The following GABRB3 variants were observed in gnomAD, a reference collection of about 807,000 sequenced individuals.
The protein encoded by GABRB3 is gamma-aminobutyric acid receptor subunit beta-3.
In GABRB3, 14 loss-of-function variants were observed where a neutral mutation model predicts 52.1. That is an observed-to-expected ratio of 0.27 (90% CI 0.18 to 0.42). The LOEUF is 0.42. Among genes scored for constraint, GABRB3 ranks in the 10% least tolerant of loss-of-function variants. The pLI, the probability that GABRB3 is intolerant of heterozygous loss-of-function variation, is 1.00. For synonymous variants in GABRB3, 260 were observed against 232.3 expected, an observed-to-expected ratio of 1.12 and a Z score of -1.08; for missense variants, 307 against 609.1, an observed-to-expected ratio of 0.50 and a Z score of 5.22.
At chr15:26,772,379 G>C in intron 3 of GABRB3, 23 bp downstream of exon 3, 1 of 1,597,406 alleles carries the variant, frequency 6.3e-7, no homozygotes, top group Non-Finnish European at 8.5e-7. Flanking sequence ...CTCAGGGACC[G>C]CCCTGGGAGG....
intron 3 of GABRB3, among the ~76,000 whole-genome samples, chr15:26,765,946 C>A (rs1415060951): frequency 6.6e-6 from 1 of 152,162 alleles, no homozygotes; most frequent in East Asian, 1.9e-4. Context: ...CTTTGTCCTG[C>A]AGTAAGAGTA....
At chr15:26,695,433 G>C (rs1389179178) in intron 3 of GABRB3, among the ~76,000 whole-genome samples, 1 of 152,040 alleles carries the variant, frequency 6.6e-6, no homozygotes, top group African/African-American at 2.4e-5. Flanking sequence ...TGAAAACATA[G>C]AGTAACATAG....
intron 3 of GABRB3, among the ~76,000 whole-genome samples, chr15:26,651,213 G>A (rs534104412): frequency 1.1e-4 from 16 of 152,338 alleles, no homozygotes; most frequent in African/African-American, 3.8e-4. Flanking sequence ...ACCACTGCAG[G>A]CCCCACACAG....
intron 3 of GABRB3, among the ~76,000 whole-genome samples, chr15:26,655,062 A>T (rs1022437408): frequency 3.3e-5 from 5 of 152,162 alleles, no homozygotes; most frequent in Non-Finnish European, 2.9e-5. Context: ...GAATGTTTAT[A>T]AAAAGTAAAG....
chr15:26,658,631 T>C (rs1399711832), intron 3 of GABRB3: 2 of 152,236 alleles, frequency 1.3e-5, no homozygotes, highest in Non-Finnish European at 2.9e-5. Context: ...TGTTAGCTGC[T>C]GCTGCCTGAA....
intron 3 of GABRB3, among the ~76,000 whole-genome samples, chr15:26,761,059 A>G (rs4513064): frequency 0.93 from 141,066 of 152,206 alleles, 65,442 homozygotes; most frequent in East Asian, 1. Flanking sequence ...CCGAGCTACT[A>G]TTAGTGACTA....
chr15:26,732,641 C>T (rs1312138047), intron 3 of GABRB3, among the ~76,000 whole-genome samples: 5 of 151,188 alleles, frequency 3.3e-5, no homozygotes, highest in Non-Finnish European at 7.4e-5. Context: ...TATCTCGACT[C>T]ACTGCAACCT....
intron 4 of GABRB3, among the ~76,000 whole-genome samples, chr15:26,598,391 A>G (rs1001276084): frequency 6.6e-5 from 10 of 152,192 alleles, no homozygotes; most frequent in Admixed American, 2.0e-4. Flanking sequence ...AAGTGGTGGA[A>G]TAGGATGCCA....
chr15:26,722,990 T>C (rs1433607399), intron 3 of GABRB3, among the ~76,000 whole-genome samples: 1 of 152,172 alleles, frequency 6.6e-6, no homozygotes, highest in Non-Finnish European at 1.5e-5. Context: ...TTAATAATAA[T>C]ACGAAAGCTC....
chr15:26,691,309 C>A (rs977804325), intron 3 of GABRB3, among the ~76,000 whole-genome samples: 1 of 151,864 alleles, frequency 6.6e-6, no homozygotes, highest in Admixed American at 6.6e-5. Flanking sequence ...TTTCCTGGTA[C>A]GGAAGGAAAG....
At chr15:26,654,773 G>A (rs1887313783) in intron 3 of GABRB3, among the ~76,000 whole-genome samples, 1 of 151,974 alleles carries the variant, frequency 6.6e-6, no homozygotes, top group Non-Finnish European at 1.5e-5. Context: ...AAAAAGGGGA[G>A]GGAGGTTCAA....
At chr15:26,674,601 T>C (rs1019502109) in intron 3 of GABRB3, among the ~76,000 whole-genome samples, 2 of 151,880 alleles carry the variant, frequency 1.3e-5, no homozygotes, top group Non-Finnish European at 2.9e-5. Context: ...CAAATCCATA[T>C]ACATTTAATG....
At chr15:26,725,551 A>C (rs1413469042) in intron 3 of GABRB3, among the ~76,000 whole-genome samples, 2 of 152,200 alleles carry the variant, frequency 1.3e-5, no homozygotes, top group African/African-American at 4.8e-5. Flanking sequence ...TTACTTCTAA[A>C]TTCTTTAATT....
In GABRB3 at chr15:26,554,189, T is replaced by TATATATATATATATATATAC. The variant is rs1346521870; in HGVS notation, c.1081-6056_1081-6055insGTATATATATATATATATAT. On this transcript the variant is annotated intron_variant, in intron 8 of 8. Coordinates refer to ENST00000311550, the MANE Select transcript of GABRB3 (RefSeq NM_000814.6). ...TATATATATAAAGTATATATATATATACTATATATATATATATATAGTAGA... is the reference window on the plus strand; with the variant it reads ...TATATATATAAAGTATATATATATATATATATATATATATATATACACTATATATATATATATATAGTAGA... Among the ~76,000 whole-genome samples, 87 of 27,360 alleles carry TATATATATATATATATATAC rather than the reference T, an allele frequency of 3.2e-3. 13 individuals carry two copies. The highest frequency in any genetic ancestry group is 0.016 in the South Asian group (13 of 802). The allele number at this position is 27,360 out of a possible 152,430, so 17.9% of individuals were successfully genotyped here.
intron 4 of GABRB3, among the ~76,000 whole-genome samples, chr15:26,601,121 A>G (rs1413216297): frequency 6.6e-6 from 1 of 152,128 alleles, no homozygotes; most frequent in Non-Finnish European, 1.5e-5. Flanking sequence ...AAGAAGCTCA[A>G]AATAAAAATA....
At chr15:26,631,103 C>T (rs999130596) in intron 3 of GABRB3, among the ~76,000 whole-genome samples, 1 of 152,140 alleles carries the variant, frequency 6.6e-6, no homozygotes, top group Non-Finnish European at 1.5e-5. Flanking sequence ...GTAGAGGAAG[C>T]CCTGAGTGCC....
intron 3 of GABRB3, chr15:26,666,705 G>A (rs1887723793): frequency 2.0e-5 from 3 of 152,308 alleles, no homozygotes; most frequent in Non-Finnish European, 2.9e-5. Flanking sequence ...GGATATCTAC[G>A]GGAATGGAGG....
intron 4 of GABRB3, among the ~76,000 whole-genome samples, chr15:26,591,829 A>G (rs1412668214): frequency 6.6e-6 from 1 of 152,242 alleles, no homozygotes; most frequent in Non-Finnish European, 1.5e-5. Flanking sequence ...ATTTAGAATT[A>G]ATTATTTTAA....
At chr15:26,693,605 G>A (rs11161332) in intron 3 of GABRB3, among the ~76,000 whole-genome samples, 3,627 of 151,452 alleles carry the variant, frequency 0.024, 144 homozygotes, top group African/African-American at 0.083. Context: ...CTCACAACAA[G>A]AAAAAAAAGC....
Sources: allele counts gnomAD v4.1 joint callset (sites outside exome capture counted in the v4.1 genomes callset), GRCh38; gene constraint gnomAD v4.1.1; transcripts MANE v1.5; gene names NCBI Gene and HGNC (gene_info 2026-07-23, HGNC 2026-07-21).